Variants in EIPR1 observed in about 807,000 individuals in gnomAD.
The protein encoded by EIPR1 is EARP complex and GARP complex interacting protein 1.
In EIPR1, 25 loss-of-function variants were observed where a neutral mutation model predicts 48.1. The observed-to-expected ratio is 0.52, with a 90% confidence interval of 0.38 to 0.73. The LOEUF (loss-of-function observed/expected upper bound fraction) is 0.73, where lower values mean the gene tolerates loss of function less well. Among genes scored for constraint, EIPR1 ranks in the 30% least tolerant of loss-of-function variants. The probability of loss-of-function intolerance (pLI) is 0.00; values close to 1 mark genes in which losing one functional copy is unlikely to be tolerated. For missense variants in EIPR1, 415 were observed against 506.2 expected (o/e 0.82, Z 1.73); for synonymous variants, 204 against 201.9 (o/e 1.01, Z -0.09).
intron 5 of EIPR1, among the ~76,000 whole-genome samples, chr2:3,213,616 C>T (rs1365960040): frequency 2.0e-5 from 3 of 152,140 alleles, no homozygotes. Context: ...CTGGGCATCC[C>T]ACTCCCTCCT....
chr2:3,311,237 C>T (rs1669119427), intron 3 of EIPR1, among the ~76,000 whole-genome samples: 1 of 152,134 alleles, frequency 6.6e-6, no homozygotes, highest in Non-Finnish European at 1.5e-5. Context: ...AGAAAAAGCC[C>T]ACAGAATTTT....
At chr2:3,202,175 G>C (rs1276148945) in intron 5 of EIPR1, among the ~76,000 whole-genome samples, 1 of 152,170 alleles carries the variant, frequency 6.6e-6, no homozygotes, top group Non-Finnish European at 1.5e-5. Flanking sequence ...CTGACCTTGT[G>C]ATCCGTCCGC....
intron 3 of EIPR1, among the ~76,000 whole-genome samples, chr2:3,258,039 C>G (rs1667217436): frequency 1.3e-5 from 2 of 152,166 alleles, no homozygotes. Context: ...AGGTGGCAGC[C>G]CAGCCTGGTC....
chr2:3,194,272 G>A (rs914744376), intron 6 of EIPR1, 106 bp from the exon 7 acceptor site: 66 of 1,413,330 alleles, frequency 4.7e-5, no homozygotes, highest in Non-Finnish European at 4.0e-5. Flanking sequence ...CTAATCCCCC[G>A]GCCCAGGGTG....
At chr2:3,353,949 C>T (rs892663861) in intron 2 of EIPR1, among the ~76,000 whole-genome samples, 5 of 152,186 alleles carry the variant, frequency 3.3e-5, no homozygotes, top group Non-Finnish European at 4.4e-5. Context: ...GCAATCACCA[C>T]GGCATCTCAT....
intron 8 of EIPR1, among the ~76,000 whole-genome samples, chr2:3,191,922 C>T (rs1246085756): frequency 6.6e-6 from 1 of 152,162 alleles, no homozygotes; most frequent in South Asian, 2.1e-4. Flanking sequence ...GAAGTAGGAC[C>T]CGGGTTTGAG....
intron 4 of EIPR1, among the ~76,000 whole-genome samples, chr2:3,240,260 C>T (rs143694446): frequency 0.17 from 3,915 of 23,288 alleles, 22 homozygotes; most frequent in Middle Eastern, 0.27. Context: ...AGCCAGCAGA[C>T]TCTTCCTCAG....
At chr2:3,334,077 C>T (rs2103345430) in intron 3 of EIPR1, among the ~76,000 whole-genome samples, 1 of 152,282 alleles carries the variant, frequency 6.6e-6, no homozygotes, top group Middle Eastern at 3.4e-3. Flanking sequence ...ACAAAGAAAA[C>T]ACACGTGGGT....
intron 7 of EIPR1, 116 bp downstream of exon 7, chr2:3,193,883 T>G: frequency 1.8e-6 from 2 of 1,116,382 alleles, no homozygotes; most frequent in Non-Finnish European, 2.5e-6. Context: ...CTGGGTTGAT[T>G]GAATGATTCA....
chr2:3,323,111 TAA>T (rs34895837), intron 3 of EIPR1, among the ~76,000 whole-genome samples: 41,929 of 149,300 alleles, frequency 0.28, 7,779 homozygotes, highest in East Asian at 0.63. Context: ...ATTTTTTCTT[TAA>T]AAAAAAAAAA....
chr2:3,202,593 C>T (rs1413290692), intron 5 of EIPR1, among the ~76,000 whole-genome samples: 2 of 152,214 alleles, frequency 1.3e-5, no homozygotes, highest in East Asian at 3.8e-4. Flanking sequence ...TGGACAAGTT[C>T]TTGATGACTC....
chr2:3,367,432 G>A (rs1671001607), intron 1 of EIPR1, among the ~76,000 whole-genome samples: 1 of 152,214 alleles, frequency 6.6e-6, no homozygotes, highest in Admixed American at 6.5e-5. Flanking sequence ...CACCTTAGGA[G>A]CAGGCAACAC....
chr2:3,247,350 G>C (rs1666865368), intron 4 of EIPR1, among the ~76,000 whole-genome samples: 1 of 152,148 alleles, frequency 6.6e-6, no homozygotes, highest in Non-Finnish European at 1.5e-5. Flanking sequence ...CATAACTCTT[G>C]AACAGCTGGA....
intron 3 of EIPR1, among the ~76,000 whole-genome samples, chr2:3,297,597 T>C (rs1161252392): frequency 1.3e-5 from 2 of 152,234 alleles, no homozygotes; most frequent in Non-Finnish European, 2.9e-5. Flanking sequence ...GGCAAACTTT[T>C]TCTGTAAAGG....
chr2:3,220,823 C>A (rs1324772239), intron 4 of EIPR1, among the ~76,000 whole-genome samples: 2 of 150,208 alleles, frequency 1.3e-5, no homozygotes, highest in East Asian at 4.0e-4. Flanking sequence ...GAGGTGCACA[C>A]TAGAGCATTC....
At chr2:3,274,322 C>G in intron 3 of EIPR1, 1 of 1,550,344 alleles carries the variant, frequency 6.5e-7, no homozygotes, top group Non-Finnish European at 8.7e-7. Flanking sequence ...ACACCAAAGA[C>G]AAAGACAGAA....
At chr2:3,313,950 C>T (rs1248292346) in intron 3 of EIPR1, among the ~76,000 whole-genome samples, 4 of 152,166 alleles carry the variant, frequency 2.6e-5, no homozygotes, top group African/African-American at 9.7e-5. Context: ...GGGGCTGTCC[C>T]CGAGCTGCGG....
Position 3,214,245 on chromosome 2 carries a change from G to T in EIPR1, c.420C>A (p.Val140=). 2 of 1,612,688 alleles carry T rather than the reference G, an allele frequency of 1.2e-6. No homozygotes were observed. The highest frequency in any genetic ancestry group is 1.7e-6 in the Non-Finnish European group (2 of 1,179,322). ...TCCCATCTCCCATTGGCTCCCACAC[G>T]ACACTAAGAGAAAGAGAAGTACCAA... ...DNTAHGNMAC[V]VWEPMGDGKK... Residue 140 remains valine (V), a synonymous_variant, in exon 5 of 9, where the codon GTC becomes GTA. Coordinates refer to ENST00000382125, the MANE Select transcript of EIPR1 (RefSeq NM_003310.5).
At chr2:3,210,037 G>A (rs552535937) in intron 5 of EIPR1, among the ~76,000 whole-genome samples, 17 of 152,238 alleles carry the variant, frequency 1.1e-4, no homozygotes, top group Non-Finnish European at 1.6e-4. Context: ...TCTGGGTGAC[G>A]GTGATGTGCC....
Sources: gnomAD v4.1 joint callset for allele counts (sites outside exome capture counted in the v4.1 genomes callset) on GRCh38, gnomAD v4.1.1 for gene constraint, MANE v1.5 for transcripts, NCBI Gene and HGNC (gene_info 2026-07-23, HGNC 2026-07-21) for gene names.